Variants in APBA2 observed in about 807,000 individuals in gnomAD.
APBA2 encodes amyloid-beta A4 precursor protein-binding family A member 2.
APBA2 carries 30 observed loss-of-function variants against 75.0 expected under a neutral mutation model. That is an observed-to-expected ratio of 0.40 (90% CI 0.30 to 0.54). APBA2 has a LOEUF of 0.54. Among genes scored for constraint, APBA2 ranks in the 20% least tolerant of loss-of-function variants. The pLI is 0.49. For missense variants in APBA2, 801 were observed against 1,016.1 expected (o/e 0.79, Z 2.88); for synonymous variants, 444 against 409.6 (o/e 1.08, Z -1.01).
chr15:29,031,901 G>A (rs1326084646), intron 3 of APBA2, among the ~76,000 whole-genome samples: 2 of 152,348 alleles, frequency 1.3e-5, no homozygotes, highest in Admixed American at 1.3e-4. Flanking sequence ...ACCACCCCAA[G>A]AAAGTTGAGG....
intron 2 of APBA2, among the ~76,000 whole-genome samples, chr15:28,940,564 A>T (rs935350039): frequency 1.4e-5 from 2 of 144,682 alleles, no homozygotes; most frequent in Non-Finnish European, 3.0e-5. Flanking sequence ...AAAAAAAAGA[A>T]AAAAAAAAAA....
chr15:28,966,635 A>G (rs1269746796), intron 2 of APBA2, among the ~76,000 whole-genome samples: 1 of 152,144 alleles, frequency 6.6e-6, no homozygotes, highest in Non-Finnish European at 1.5e-5. Flanking sequence ...CATTCTGCCA[A>G]TGTCTGTTAT....
intron 2 of APBA2, among the ~76,000 whole-genome samples, chr15:28,936,262 A>G (rs540606832): frequency 6.6e-6 from 1 of 152,328 alleles, no homozygotes; most frequent in South Asian, 2.1e-4. Context: ...TGTTCTAAAT[A>G]GAAGCCATGG....
At chr15:29,039,249 G>A (rs1368545049) in intron 3 of APBA2, among the ~76,000 whole-genome samples, 1 of 151,728 alleles carries the variant, frequency 6.6e-6, no homozygotes, top group African/African-American at 2.4e-5. Context: ...GAAGTTTTAT[G>A]TGTTATTAAA....
intron 3 of APBA2, among the ~76,000 whole-genome samples, chr15:28,999,814 G>C (rs74007032): frequency 1.3e-5 from 2 of 152,144 alleles, no homozygotes; most frequent in East Asian, 3.9e-4. Flanking sequence ...GCATGATATG[G>C]CATCTGGGAA....
intron 6 of APBA2, among the ~76,000 whole-genome samples, chr15:29,090,100 G>A (rs982514041): frequency 2.0e-5 from 3 of 152,154 alleles, no homozygotes; most frequent in Admixed American, 6.5e-5. Flanking sequence ...CCCGTGGTGC[G>A]TGTGAGTGGG....
rs979003383 is a variant in APBA2, at chr15:29,106,548, C to T, written c.1705-59C>T. The T allele has an allele frequency of 3.8e-6, 6 of 1,590,000 alleles. No homozygotes were observed. The African/African-American group carries it at 8.1e-5, about 21-fold the overall frequency. On this transcript the variant is annotated intron_variant, in intron 11 of 14. Transcript: ENST00000683413. ...GGTCAGCCTCATCCTCCTGTGGGTCCTTGGCAGAGGCCTCGGTCCTTGCCG... is the reference window on the plus strand; with the variant it reads ...GGTCAGCCTCATCCTCCTGTGGGTCTTTGGCAGAGGCCTCGGTCCTTGCCG...
intron 6 of APBA2, among the ~76,000 whole-genome samples, chr15:29,084,973 G>A (rs960150411): frequency 1.5e-4 from 23 of 152,178 alleles, no homozygotes; most frequent in African/African-American, 5.5e-4. Context: ...TTTTTGTGTT[G>A]TTCTATTGAG....
chr15:28,954,285 C>T (rs1341892329), intron 2 of APBA2, among the ~76,000 whole-genome samples: 1 of 152,184 alleles, frequency 6.6e-6, no homozygotes, highest in Non-Finnish European at 1.5e-5. Context: ...TGCTCAGCAG[C>T]TGGTTTATTG....
intron 3 of APBA2, among the ~76,000 whole-genome samples, chr15:29,036,772 C>A (rs1396561864): frequency 1.3e-5 from 2 of 152,184 alleles, no homozygotes; most frequent in Non-Finnish European, 2.9e-5. Context: ...GAAATCCCAA[C>A]ATTTTGGGAG....
At chr15:28,964,775 A>G (rs773777817) in intron 2 of APBA2, among the ~76,000 whole-genome samples, 7 of 151,988 alleles carry the variant, frequency 4.6e-5, no homozygotes, top group Non-Finnish European at 8.8e-5. Flanking sequence ...GGCATGAGCC[A>G]CCGCACCTGG....
At chr15:28,929,913 G>C (rs1450891822) in intron 2 of APBA2, among the ~76,000 whole-genome samples, 1 of 152,178 alleles carries the variant, frequency 6.6e-6, no homozygotes, top group Non-Finnish European at 1.5e-5. Context: ...AAAGACCACA[G>C]TTCTTGTATG....
rs1394261787 is a variant in APBA2 at position 29,046,612 on chromosome 15, A to T, written c.-40-7233A>T. Among the ~76,000 whole-genome samples the T allele has an allele frequency of 2.0e-5, 3 of 152,242 alleles. No individual in the cohort carries two copies. Among genetic ancestry groups the T allele is most frequent in the African/African-American group, 7.2e-5 (3 of 41,464 alleles). Reference sequence around the variant, plus strand: ...CAAGTGCAGTCTTTGGACCTCCAACATGAGAACCACCTGCAGCTCTAGACC... The same window carrying T: ...CAAGTGCAGTCTTTGGACCTCCAACTTGAGAACCACCTGCAGCTCTAGACC... On this transcript the variant is annotated intron_variant, in intron 3 of 14. Coordinates refer to ENST00000683413, the MANE Select transcript of APBA2 (RefSeq NM_001353788.2). The surrounding 1 kb of genome is among the most constrained non-coding windows in gnomAD (Gnocchi z 5.0).
chr15:29,050,992 C>T (rs1194968442), intron 3 of APBA2, among the ~76,000 whole-genome samples: 8 of 152,124 alleles, frequency 5.3e-5, no homozygotes, highest in African/African-American at 7.2e-5. Context: ...AAGACATGGA[C>T]GTCTGGTTGC....
intron 2 of APBA2, among the ~76,000 whole-genome samples, chr15:28,952,518 C>T (rs2035945006): frequency 6.6e-6 from 1 of 152,092 alleles, no homozygotes; most frequent in Admixed American, 6.5e-5. Flanking sequence ...GCTAACAGAC[C>T]AAGACTCTGT....
chr15:28,948,091 C>A (rs2035645162), intron 2 of APBA2, among the ~76,000 whole-genome samples: 3 of 152,136 alleles, frequency 2.0e-5, no homozygotes, highest in Non-Finnish European at 4.4e-5. Flanking sequence ...TGTGGTTATT[C>A]CCATGTATAG....
intron 3 of APBA2, among the ~76,000 whole-genome samples, chr15:28,997,617 A>G (rs757500982): frequency 1.3e-5 from 2 of 152,200 alleles, no homozygotes; most frequent in East Asian, 1.9e-4. Flanking sequence ...GCCTCAGCCC[A>G]TCCACCCTCT....
chr15:29,080,987 A>G (rs879683213), intron 6 of APBA2, among the ~76,000 whole-genome samples: 19 of 152,264 alleles, frequency 1.2e-4, no homozygotes, highest in South Asian at 8.3e-4. Flanking sequence ...GGGGTCCTTT[A>G]CAGCCTGTCT....
intron 2 of APBA2, among the ~76,000 whole-genome samples, chr15:28,965,312 T>TAC (rs2036683451): frequency 6.6e-6 from 1 of 152,208 alleles, no homozygotes; most frequent in African/African-American, 2.4e-5. Flanking sequence ...CTGGGCTCTC[T>TAC]ACTCCATTCC....
Sources: allele counts gnomAD v4.1 joint callset (sites outside exome capture counted in the v4.1 genomes callset), GRCh38; gene constraint gnomAD v4.1.1; non-coding constraint Gnocchi (gnomAD v3.1); transcripts MANE v1.5; gene names NCBI Gene and HGNC (gene_info 2026-07-23, HGNC 2026-07-21).